EPHA6: variants seen among roughly 807,000 people sequenced by gnomAD.
EPHA6 encodes EPH receptor A6, also known as ephrin type-A receptor 6.
Under a neutral mutation model 112.0 loss-of-function variants are expected in EPHA6, and 50 were observed. The observed-to-expected ratio is 0.45, with a 90% confidence interval of 0.36 to 0.56. The LOEUF is 0.56. Ranked by LOEUF, EPHA6 falls within the 20% of genes least tolerant of loss-of-function variation. The pLI is 0.00. For synonymous variants in EPHA6, 529 were observed against 490.7 expected, an observed-to-expected ratio of 1.08 and a Z score of -1.03; for missense variants, 1,280 against 1,417.4, an observed-to-expected ratio of 0.90 and a Z score of 1.56.
intron 3 of EPHA6, among the ~76,000 whole-genome samples, chr3:97,099,721 T>C (rs2047348296): frequency 1.3e-5 from 2 of 151,878 alleles, no homozygotes; most frequent in African/African-American, 4.8e-5. Flanking sequence ...ATCTTTCTTC[T>C]CACACCCTGA....
chr3:96,865,966 A>C lies in EPHA6; in HGVS notation c.386-859A>C, dbSNP rs925026412. 6.6e-5 allele frequency among the ~76,000 whole-genome samples: 10 copies of C among 152,118 alleles called. 1 individual carries two copies. In the South Asian group the frequency reaches 2.1e-3, roughly 32 times the overall value. ...TTCTATCATCTAACTTTCCCCAAGTAGTCTCCACCCCTACAACTGAGAACT... is the reference window on the plus strand; with the variant it reads ...TTCTATCATCTAACTTTCCCCAAGTCGTCTCCACCCCTACAACTGAGAACT... On this transcript the variant is annotated intron_variant, in intron 1 of 17. Transcript: ENST00000389672.
chr3:97,172,724 G>T (rs1174102925), intron 3 of EPHA6, among the ~76,000 whole-genome samples: 3 of 151,822 alleles, frequency 2.0e-5, no homozygotes, highest in Admixed American at 1.3e-4. Flanking sequence ...TAAAGAAAAA[G>T]AATTGCTCTA....
At chr3:96,848,373 T>C (rs1255492363) in intron 1 of EPHA6, among the ~76,000 whole-genome samples, 1 of 152,058 alleles carries the variant, frequency 6.6e-6, no homozygotes, top group African/African-American at 2.4e-5. Context: ...TTTACTGTAA[T>C]CCTAGCACTT....
intron 3 of EPHA6, among the ~76,000 whole-genome samples, chr3:97,036,645 TTC>T (rs1205099143): frequency 2.0e-5 from 3 of 152,020 alleles, no homozygotes; most frequent in African/African-American, 7.2e-5. Context: ...TCAAGTGACA[TTC>T]TTGAGCTCTA....
At chr3:96,907,476 A>C (rs1479381704) in intron 2 of EPHA6, among the ~76,000 whole-genome samples, 3 of 140,202 alleles carry the variant, frequency 2.1e-5, no homozygotes, top group East Asian at 4.3e-4. Flanking sequence ...CTAGGAAAAA[A>C]AATTCATTTT....
At chr3:96,863,364 G>A (rs1261550314) in intron 1 of EPHA6, among the ~76,000 whole-genome samples, 1 of 151,894 alleles carries the variant, frequency 6.6e-6, no homozygotes, top group Admixed American at 6.6e-5. Context: ...CGTAATTAGT[G>A]TGCCTGAAAA....
chr3:96,908,300 TTAAC>T (rs2039041859), intron 2 of EPHA6, among the ~76,000 whole-genome samples: 1 of 152,026 alleles, frequency 6.6e-6, no homozygotes, highest in Non-Finnish European at 1.5e-5. Flanking sequence ...ACTTATTTAT[TTAAC>T]TAACTACTAA....
At chr3:97,309,293 C>T (rs1287965371) in intron 5 of EPHA6, among the ~76,000 whole-genome samples, 3 of 151,536 alleles carry the variant, frequency 2.0e-5, no homozygotes, top group African/African-American at 7.3e-5. Flanking sequence ...GAACACTGGA[C>T]AATTTACTGT....
At chr3:97,077,903 A>G (rs2046587306) in intron 3 of EPHA6, among the ~76,000 whole-genome samples, 1 of 152,198 alleles carries the variant, frequency 6.6e-6, no homozygotes, top group South Asian at 2.1e-4. Context: ...CTTTGGGTAT[A>G]TACCCAGTAA....
At chr3:97,219,834 G>A (rs2108530400) in intron 3 of EPHA6, among the ~76,000 whole-genome samples, 1 of 152,276 alleles carries the variant, frequency 6.6e-6, no homozygotes, top group South Asian at 2.1e-4. Context: ...TCATCAGGTT[G>A]CAAATTTTCC....
chr3:97,398,850 A>C (rs994060254), intron 5 of EPHA6, among the ~76,000 whole-genome samples: 1 of 151,492 alleles, frequency 6.6e-6, no homozygotes, highest in Non-Finnish European at 1.5e-5. Flanking sequence ...AAAATGGTAT[A>C]TATTTATAGG....
At chr3:97,690,091 CT>C (rs1379399069) in intron 14 of EPHA6, among the ~76,000 whole-genome samples, 1 of 152,094 alleles carries the variant, frequency 6.6e-6, no homozygotes, top group Non-Finnish European at 1.5e-5. Context: ...TGCTATTGAT[CT>C]TCATTTGCAA....
chr3:97,420,571 C>G (rs571448068), intron 6 of EPHA6, among the ~76,000 whole-genome samples: 1 of 152,094 alleles, frequency 6.6e-6, no homozygotes, highest in Non-Finnish European at 1.5e-5. Flanking sequence ...GTTCCCAACA[C>G]TAAGAGCATC....
At chr3:97,084,369 A>G (rs2046828092) in intron 3 of EPHA6, among the ~76,000 whole-genome samples, 1 of 151,480 alleles carries the variant, frequency 6.6e-6, no homozygotes, top group Admixed American at 6.6e-5. Context: ...GCACACAAAT[A>G]CCCATACCTC....
intron 2 of EPHA6, among the ~76,000 whole-genome samples, chr3:96,893,108 A>T (rs1255087735): frequency 6.6e-6 from 1 of 152,110 alleles, no homozygotes; most frequent in African/African-American, 2.4e-5. Context: ...CTATCATAAC[A>T]TCATAGCACA....
intron 11 of EPHA6, among the ~76,000 whole-genome samples, chr3:97,592,100 T>C (rs2093550548): frequency 6.6e-6 from 1 of 152,230 alleles, no homozygotes; most frequent in South Asian, 2.1e-4. Context: ...AATAATTGTG[T>C]ACATCAATTT....
intron 5 of EPHA6, among the ~76,000 whole-genome samples, chr3:97,338,912 C>T (rs1309231453): frequency 6.6e-6 from 1 of 152,208 alleles, no homozygotes; most frequent in Non-Finnish European, 1.5e-5. Context: ...AACTCAATCA[C>T]CACTGTGATT....
At chr3:96,871,927 T>C (rs1039344564) in intron 2 of EPHA6, among the ~76,000 whole-genome samples, 1 of 152,126 alleles carries the variant, frequency 6.6e-6, no homozygotes, top group Non-Finnish European at 1.5e-5. Flanking sequence ...TCTTAAAAGA[T>C]GCTGAATCGA....
At chr3:97,637,826 C>A in intron 13 of EPHA6, 47 bp from the exon 14 acceptor site, 2 of 1,383,572 alleles carry the variant, frequency 1.4e-6, no homozygotes, top group Non-Finnish European at 1.0e-6. Context: ...CACACGCACA[C>A]ACTGCATTAA....
Sources: allele counts gnomAD v4.1 joint callset (sites outside exome capture counted in the v4.1 genomes callset), GRCh38; gene constraint gnomAD v4.1.1; transcripts MANE v1.5; gene names NCBI Gene and HGNC (gene_info 2026-07-23, HGNC 2026-07-21).